The following RET variants were observed in gnomAD, a reference collection of about 807,000 sequenced individuals.
RET encodes proto-oncogene tyrosine-protein kinase receptor Ret.
A neutral mutation model predicts 118.3 loss-of-function variants in RET; 19 were observed. The ratio of observed to expected loss-of-function variants is 0.16; its 90% CI spans 0.11 to 0.24. The LOEUF (loss-of-function observed/expected upper bound fraction) is 0.24, where lower values mean the gene tolerates loss of function less well. Among genes scored for constraint, RET ranks in the 10% least tolerant of loss-of-function variants. RET has a pLI of 1.00. For missense variants in RET, 1,219 were observed against 1,502.1 expected (o/e 0.81, Z 3.12); for synonymous variants, 597 against 644.1 (o/e 0.93, Z 1.11).
intron 2 of RET, among the ~76,000 whole-genome samples, chr10:43,101,824 G>A (rs1837647837): frequency 6.6e-6 from 1 of 152,240 alleles, no homozygotes; most frequent in African/African-American, 2.4e-5. Context: ...GAATGCCAGA[G>A]AATATGGGAA....
intron 1 of RET, 120 bp from the exon 2 acceptor site, chr10:43,100,339 A>G (rs2132654045): frequency 8.6e-7 from 1 of 1,159,174 alleles, no homozygotes; most frequent in Non-Finnish European, 1.3e-6. Context: ...TCATGTTCTC[A>G]GGAACAGAGA....
intron 2 of RET, among the ~76,000 whole-genome samples, chr10:43,101,939 C>A (rs983262436): frequency 3.9e-5 from 6 of 152,186 alleles, no homozygotes; most frequent in Admixed American, 2.0e-4. Flanking sequence ...TGGAACTTGC[C>A]GGAAATGCCC....
intron 2 of RET, 54 bp from the exon 3 acceptor site, chr10:43,102,288 C>T (rs1837656349): frequency 3.7e-6 from 6 of 1,606,638 alleles, no homozygotes; most frequent in Middle Eastern, 1.7e-4. Context: ...TCCCCATTCC[C>T]GACTGCCTGG....
Position 43,129,966 on chromosome 10 carries a change from T to C in RET, c.*1697T>C, listed in dbSNP as rs1167587908. Reference sequence around the variant, plus strand: ...ACTAAATGCAGAAATAAGAATAAACTTTCTCAAATTATTAAAAATGCCTAC... The same window carrying C: ...ACTAAATGCAGAAATAAGAATAAACCTTCTCAAATTATTAAAAATGCCTAC... On this transcript the variant is annotated 3_prime_UTR_variant, in exon 20 of 20. Transcript: ENST00000355710. The C allele has an allele frequency of 5.0e-6, 2 of 398,888 alleles. No homozygotes were observed. The highest frequency in any genetic ancestry group is 4.1e-5 in the African/African-American group (2 of 48,628). 24.7% of individuals were successfully genotyped at this position (398,888 alleles called of 1,614,324 possible). A position where few individuals can be genotyped will look rare whatever the true frequency, so the allele number is the denominator to read the frequency against.
chr10:43,118,479 T>C lies in RET; in HGVS notation c.2391T>C (p.Asp797=). ...AATTGTATGGGGCCTGCAGCCAGGA[T>C]GGTAAGGCCAGCTGCAGGGTGAGGT... ...VIKLYGACSQ[D]GPLLLIVEYA... The change falls in exon 13 of 20, where the codon GAT becomes GAC. Residue 797 remains aspartate (D), a splice_region_variant and synonymous_variant. Transcript: ENST00000355710. 6.2e-7 allele frequency: 1 copy of C among 1,612,384 alleles called. No individual in the cohort carries two copies. The highest frequency in any genetic ancestry group is 8.5e-7 in the Non-Finnish European group (1 of 1,178,764).
intron 6 of RET, among the ~76,000 whole-genome samples, chr10:43,110,009 G>A (rs1837879524): frequency 6.6e-6 from 1 of 152,214 alleles, no homozygotes; most frequent in African/African-American, 2.4e-5. Flanking sequence ...TCTTTCGGGT[G>A]GTTCTGTGCC....
intron 1 of RET, among the ~76,000 whole-genome samples, chr10:43,081,462 G>T (rs1864407): frequency 0.98 from 149,585 of 152,248 alleles, 73,496 homozygotes; most frequent in East Asian, 1. Flanking sequence ...CCCTGTGTAG[G>T]GACTTCCGCA....
rs2435357 is a variant in RET, at chr10:43,086,608, T to C, written c.73+9277T>C. ...GCCAAGGGGGCCAGTGACCCTTACA[T>C]GGTCATCCACAGGCCACTTGGGTGG... On this transcript the variant is annotated intron_variant, in intron 1 of 19. Transcript: ENST00000355710. Among the ~76,000 whole-genome samples, 120,154 of 152,304 alleles carry C rather than the reference T, an allele frequency of 0.79. 48,464 individuals are homozygous for C. Among genetic ancestry groups the C allele is most frequent in the African/African-American group, 0.95 (39,584 of 41,578 alleles).
At chr10:43,091,342 CA>C (rs1301622081) in intron 1 of RET, among the ~76,000 whole-genome samples, 2 of 152,112 alleles carry the variant, frequency 1.3e-5, no homozygotes, top group African/African-American at 4.8e-5. Context: ...AAAATGAGCA[CA>C]GGGGGCCAGG....
At chr10:43,104,786 A>G (rs1837720167) in intron 3 of RET, 166 bp from the exon 4 acceptor site, 5 of 1,062,234 alleles carry the variant, frequency 4.7e-6, no homozygotes, top group Non-Finnish European at 6.6e-6. Flanking sequence ...TGCAAACTGC[A>G]AACTCGTGCT....
chr10:43,118,600 T>G (rs939544360), intron 13 of RET, 120 bp downstream of exon 13: 87 of 806,568 alleles, frequency 1.1e-4, no homozygotes, highest in Middle Eastern at 9.4e-4. Flanking sequence ...CTGTTCTCCC[T>G]CTTTCTGGAA....
Position 43,129,389 on chromosome 10 carries a change from T to C in RET, c.*1120T>C. ...GTGTTTGGCTCTTATAGAGCCTGTGTGAAAGGCCCATGGATCAGCTCTTCC... is the reference window on the plus strand; with the variant it reads ...GTGTTTGGCTCTTATAGAGCCTGTGCGAAAGGCCCATGGATCAGCTCTTCC... On this transcript the variant is annotated 3_prime_UTR_variant, in exon 20 of 20. Transcript: ENST00000355710. The C allele has an allele frequency of 4.3e-6, 1 of 233,780 alleles. No individual in the cohort carries two copies. The highest frequency in any genetic ancestry group is 8.5e-6 in the Non-Finnish European group (1 of 118,068). 14.5% of individuals were successfully genotyped at this position (233,780 alleles called of 1,614,324 possible). A position where few individuals can be genotyped will look rare whatever the true frequency, so the allele number is the denominator to read the frequency against.
At chr10:43,112,434 C>A (rs1156530771) in intron 8 of RET, among the ~76,000 whole-genome samples, 1 of 152,208 alleles carries the variant, frequency 6.6e-6, no homozygotes. Flanking sequence ...GTCCCCAGGC[C>A]GGATTCACTC....
rs553941961 is a variant in RET at position 43,104,868 on chromosome 10, A to T, written c.626-84A>T. 1.6e-5 allele frequency: 24 copies of T among 1,506,394 alleles called. No individual in the cohort carries two copies. In the South Asian group the frequency reaches 2.9e-4, roughly 18 times the overall value. The allele number at this position is 1,506,394 out of a possible 1,614,324, so 93.3% of individuals were successfully genotyped here. A position where few individuals can be genotyped will look rare whatever the true frequency, so the allele number is the denominator to read the frequency against. On this transcript the variant is annotated intron_variant, in intron 3 of 19. Transcript: ENST00000355710. ...CCGCGGCGGTGTGCGCCCCGCTCTG[A>T]CCGCAGAGCCCCCTTCCCGAGGAAA...
At chr10:43,078,991 C>T (rs977484295) in intron 1 of RET, among the ~76,000 whole-genome samples, 1 of 152,208 alleles carries the variant, frequency 6.6e-6, no homozygotes, top group Admixed American at 6.5e-5. Context: ...GGAGCCACAG[C>T]TCCGGAGGTT....
At chr10:43,105,732 G>A (rs757059696) in intron 4 of RET, among the ~76,000 whole-genome samples, 1 of 152,192 alleles carries the variant, frequency 6.6e-6, no homozygotes, top group Non-Finnish European at 1.5e-5. Context: ...GACTGAGGTA[G>A]GTAGTACGTT....
rs1438717389 is a variant in RET at position 43,112,185 on chromosome 10, C to G, written c.1609C>G (p.Pro537Ala). 6.4e-7 allele frequency: 1 copy of G among 1,565,850 alleles called. No homozygotes were observed. The highest frequency in any genetic ancestry group is 2.4e-5 in the East Asian group (1 of 42,112). The change falls in exon 8 of 20, where the codon CCA becomes GCA. Residue 537 changes from proline (P) to alanine (A), a missense_variant. Pro to Ala is a conservative substitution (Grantham distance 27). Coordinates refer to ENST00000355710, the MANE Select transcript of RET (RefSeq NM_020975.6). ...TGAGGAGTGTGGCGGCCTGGGCTCCCCAACAGGCAGGTGTGAGTGGAGGCA... is the reference window on the plus strand; with the variant it reads ...TGAGGAGTGTGGCGGCCTGGGCTCCGCAACAGGCAGGTGTGAGTGGAGGCA... ...ECEECGGLGS[P>A]TGRCEWRQGD...
At chr10:43,118,331 C>T (rs2132926352) in intron 12 of RET, 42 bp from the exon 13 acceptor site, 1 of 1,522,850 alleles carries the variant, frequency 6.6e-7, no homozygotes, top group Non-Finnish European at 9.1e-7. Flanking sequence ...GAAGGGGCTT[C>T]CAGGAGCGAT....
At chr10:43,116,770 C>A (rs2132911526) in intron 12 of RET, 39 bp downstream of exon 12, 1 of 1,587,336 alleles carries the variant, frequency 6.3e-7, no homozygotes, top group Non-Finnish European at 8.6e-7. Context: ...CTGGGGGAGT[C>A]TCCGGGGCGG....
Sources: gnomAD v4.1 joint callset for allele counts (sites outside exome capture counted in the v4.1 genomes callset) on GRCh38, gnomAD v4.1.1 for gene constraint, MANE v1.5 for transcripts, NCBI Gene and HGNC (gene_info 2026-07-23, HGNC 2026-07-21) for gene names.